Variants in RTN4 observed in about 807,000 individuals in gnomAD.
RTN4 encodes reticulon 4.
Under a neutral mutation model 90.4 loss-of-function variants are expected in RTN4, and 32 were observed. The observed-to-expected ratio is 0.35, with a 90% CI of 0.27 to 0.48. The LOEUF is 0.48. RTN4 is among the 20% of genes least tolerant of loss of function. RTN4 has a pLI of 0.99. For missense variants in RTN4, 1,706 were observed against 1,430.2 expected, an observed-to-expected ratio of 1.19 and a Z score of -3.11; for synonymous variants, 629 against 552.5, an observed-to-expected ratio of 1.14 and a Z score of -1.94.
chr2:55,050,508 G>A, upstream of RTN4: 1 of 394,608 alleles, frequency 2.5e-6, no homozygotes, highest in Non-Finnish European at 4.5e-6. This position sits in a 1 kb window ranked among gnomAD's most constrained non-coding sequence, Gnocchi z 4.6. Context: ...GTCCCCACTT[G>A]CCGCCGCCGC....
At chr2:54,993,662 G>A (rs1332651958) in intron 3 of RTN4, among the ~76,000 whole-genome samples, 1 of 152,184 alleles carries the variant, frequency 6.6e-6, no homozygotes, top group African/African-American at 2.4e-5. Flanking sequence ...GCAGCTACAT[G>A]AGAGTAGCTC....
At chr2:54,993,868 C>T (rs540233775) in intron 3 of RTN4, among the ~76,000 whole-genome samples, 1 of 152,216 alleles carries the variant, frequency 6.6e-6, no homozygotes, top group Admixed American at 6.5e-5. Flanking sequence ...GCAATCTACA[C>T]TGCCACCAAC....
intron 1 of RTN4, among the ~76,000 whole-genome samples, chr2:55,033,330 AT>A (rs777874824): frequency 6.6e-6 from 1 of 152,212 alleles, no homozygotes; most frequent in Non-Finnish European, 1.5e-5. Flanking sequence ...AAAACTGACA[AT>A]CTAAAATTAT....
At chr2:54,999,164 T>C (rs1679672432) in intron 3 of RTN4, among the ~76,000 whole-genome samples, 2 of 152,204 alleles carry the variant, frequency 1.3e-5, no homozygotes, top group Non-Finnish European at 2.9e-5. Flanking sequence ...AAGATAAAAA[T>C]GTGAAAAATG....
intron 2 of RTN4, among the ~76,000 whole-genome samples, chr2:55,063,195 A>T (rs1668330936): frequency 6.6e-6 from 1 of 152,246 alleles, no homozygotes; most frequent in Non-Finnish European, 1.5e-5. Context: ...ACAAGCATAT[A>T]ATTATAATTT....
the RTN4 span, among the ~76,000 whole-genome samples, chr2:55,128,168 T>C: frequency 3.3e-5 from 5 of 152,166 alleles, no homozygotes; most frequent in African/African-American, 1.2e-4. Flanking sequence ...TTCCACTACA[T>C]GGCAGCTGCC....
chr2:55,129,420 A>C, the RTN4 span, among the ~76,000 whole-genome samples: 1 of 152,040 alleles, frequency 6.6e-6, no homozygotes, highest in African/African-American at 2.4e-5. Flanking sequence ...TACAAAAAAA[A>C]ACTTTAAAAA....
chr2:55,017,677 G>C (rs1048037592), intron 3 of RTN4, among the ~76,000 whole-genome samples: 6 of 152,158 alleles, frequency 3.9e-5, no homozygotes, highest in Non-Finnish European at 8.8e-5. Flanking sequence ...GCACCTTTCT[G>C]TACCAATGGC....
intron 2 of RTN4, 44 bp downstream of exon 2, chr2:55,028,120 A>C: frequency 6.4e-7 from 1 of 1,556,874 alleles, no homozygotes. Flanking sequence ...AAAGAGTTAA[A>C]GTTAGAATAC....
chr2:54,976,230 T>C (rs1207722704), intron 5 of RTN4, among the ~76,000 whole-genome samples: 1 of 152,204 alleles, frequency 6.6e-6, no homozygotes, highest in East Asian at 1.9e-4. Context: ...CATTTGGTCA[T>C]TACAGTCACT....
intron 1 of RTN4, among the ~76,000 whole-genome samples, chr2:55,106,287 CCCT>C: frequency 6.6e-6 from 1 of 152,090 alleles, no homozygotes; most frequent in Admixed American, 6.5e-5. Context: ...GAATTTCTTG[CCCT>C]CCTCCTCTTC....
intron 2 of RTN4, among the ~76,000 whole-genome samples, chr2:55,057,511 C>A (rs963759659): frequency 6.6e-6 from 1 of 152,098 alleles, no homozygotes; most frequent in African/African-American, 2.4e-5. Context: ...ATTATTGCTA[C>A]TATTAGAGCA....
chr2:54,983,068 T>G (rs748458442), intron 4 of RTN4, among the ~76,000 whole-genome samples: 13 of 151,868 alleles, frequency 8.6e-5, no homozygotes, highest in Non-Finnish European at 1.5e-4. Context: ...TATGGTTGTT[T>G]TTTTTTTTTT....
At chr2:54,989,351 A>G (rs1678827707) in intron 3 of RTN4, among the ~76,000 whole-genome samples, 1 of 152,208 alleles carries the variant, frequency 6.6e-6, no homozygotes, top group South Asian at 2.1e-4. Context: ...GATTTCAACT[A>G]TTTATTCAAA....
chr2:55,049,194 A>G, intron 1 of RTN4: 1 of 986,386 alleles, frequency 1.0e-6, no homozygotes, highest in Non-Finnish European at 1.2e-6. Flanking sequence ...CGAGCACAGG[A>G]GGAGGGGGAG....
intron 1 of RTN4, among the ~76,000 whole-genome samples, chr2:55,038,941 T>G (rs564959684): frequency 6.6e-6 from 1 of 152,220 alleles, no homozygotes; most frequent in South Asian, 2.1e-4. Flanking sequence ...TACTGATACC[T>G]GCAGCATCAT....
At chr2:55,091,348 G>T (rs1668931680) in intron 1 of RTN4, among the ~76,000 whole-genome samples, 1 of 152,134 alleles carries the variant, frequency 6.6e-6, no homozygotes, top group African/African-American at 2.4e-5. Context: ...TACACATAAA[G>T]CTTCTTGCCT....
chr2:55,073,885 G>C (rs1668556631), intron 2 of RTN4, among the ~76,000 whole-genome samples: 1 of 152,192 alleles, frequency 6.6e-6, no homozygotes, highest in South Asian at 2.1e-4. Flanking sequence ...CCTGAGCTCA[G>C]TTTCTGACAT....
At chr2:55,112,660 C>A (rs1398099776), upstream of RTN4, 1 of 152,406 alleles carries the variant, frequency 6.6e-6, no homozygotes, top group South Asian at 2.1e-4. Context: ...ATCCACGCTG[C>A]CGCTGGCTCC....
Sources: gnomAD v4.1 joint callset for allele counts (sites outside exome capture counted in the v4.1 genomes callset) on GRCh38, gnomAD v4.1.1 for gene constraint, Gnocchi (gnomAD v3.1) non-coding constraint, MANE v1.5 for transcripts, NCBI Gene and HGNC (gene_info 2026-07-23, HGNC 2026-07-21) for gene names.